NSD2: variants seen among roughly 807,000 people sequenced by gnomAD.
NSD2 encodes the protein histone-lysine N-methyltransferase NSD2.
In NSD2, 12 loss-of-function variants were observed where a neutral mutation model predicts 139.0. The ratio of observed to expected loss-of-function variants is 0.09; its 90% CI spans 0.06 to 0.14. The LOEUF (loss-of-function observed/expected upper bound fraction) is 0.14, where lower values mean the gene tolerates loss of function less well. NSD2 is among the 10% of genes least tolerant of loss of function. The pLI, the probability that NSD2 is intolerant of heterozygous loss-of-function variation, is 1.00. For synonymous variants in NSD2, 669 were observed against 648.7 expected, an observed-to-expected ratio of 1.03 and a Z score of -0.48; for missense variants, 1,155 against 1,745.0, an observed-to-expected ratio of 0.66 and a Z score of 6.02.
At chr4:1,905,895 A>G (rs980634810) in intron 3 of NSD2, among the ~76,000 whole-genome samples, 3 of 152,306 alleles carry the variant, frequency 2.0e-5, no homozygotes, top group South Asian at 2.1e-4. Context: ...CGGTCAGTGT[A>G]TGAAAAAATA....
chr4:1,953,575 G>T (rs370031459), intron 12 of NSD2, 51 bp downstream of exon 12: 13 of 1,540,208 alleles, frequency 8.4e-6, no homozygotes, highest in Admixed American at 3.9e-5. Flanking sequence ...CAGGCCAGAC[G>T]CAGGCCCATG....
chr4:1,936,073 G>T (rs577535587), intron 7 of NSD2, among the ~76,000 whole-genome samples: 1 of 152,324 alleles, frequency 6.6e-6, no homozygotes, highest in South Asian at 2.1e-4. Flanking sequence ...ATACTAAACA[G>T]GCTGTGCAGG....
rs193297882 is a variant in NSD2 at position 1,912,932 on chromosome 4, A to G, written c.761-3939A>G. On this transcript the variant is annotated intron_variant, in intron 3 of 21. Coordinates refer to ENST00000508803, the MANE Select transcript of NSD2 (RefSeq NM_001042424.3). ...AGCAAGCCACCCAGGTGCCAAGGCA[A>G]GAGACTGAAGGCACAGGCTGTTCCA... 1.1e-3 allele frequency among the ~76,000 whole-genome samples: 172 copies of G among 152,344 alleles called. 1 individual carries two copies. The highest frequency in any genetic ancestry group is 4.0e-3 in the African/African-American group (168 of 41,590).
chr4:1,891,524 T>G (rs73799029), intron 1 of NSD2, among the ~76,000 whole-genome samples: 4,826 of 152,040 alleles, frequency 0.032, 248 homozygotes, highest in African/African-American at 0.11. Context: ...TGGGCAAGGT[T>G]GGAGCAGTGA....
At position 1,956,268 on chromosome 4, in the gene NSD2, A is replaced by C. The variant is rs1724793745; in HGVS notation, c.2881+80A>C. The C allele has an allele frequency of 1.9e-5, 25 of 1,307,166 alleles. No homozygotes were observed. Among genetic ancestry groups the C allele is most frequent in the Non-Finnish European group, 2.5e-5 (24 of 967,156 alleles). 81.0% of individuals were successfully genotyped at this position (1,307,166 alleles called of 1,614,324 possible). Reference sequence around the variant, plus strand: ...CCTAATTTCTATTTTTTAAAATTTGATCTTTATAGAAAATACTGGACTAAG... The same window carrying C: ...CCTAATTTCTATTTTTTAAAATTTGCTCTTTATAGAAAATACTGGACTAAG... On this transcript the variant is annotated intron_variant, in intron 15 of 21. Coordinates refer to ENST00000508803, the MANE Select transcript of NSD2 (RefSeq NM_001042424.3). The surrounding 1 kb of genome is among the most constrained non-coding windows in gnomAD (Gnocchi z 5.3).
chr4:1,908,916 G>T (rs541994972), intron 3 of NSD2, among the ~76,000 whole-genome samples: 18 of 152,080 alleles, frequency 1.2e-4, no homozygotes, highest in African/African-American at 4.3e-4. Flanking sequence ...CCAAATTGTT[G>T]GGATTACAAG....
At chr4:1,952,370 T>G in intron 11 of NSD2, 139 bp downstream of exon 11, 1 of 1,319,576 alleles carries the variant, frequency 7.6e-7, no homozygotes, top group Non-Finnish European at 1.0e-6. Context: ...CTCTGGAGCT[T>G]GTAGCCCACA....
Position 1,962,926 on chromosome 4 carries a change from C to T in NSD2, c.3372+1775C>T, listed in dbSNP as rs576934512. On this transcript the variant is annotated intron_variant, in intron 18 of 21. Coordinates refer to ENST00000508803, the MANE Select transcript of NSD2 (RefSeq NM_001042424.3). The stretch of plus-strand genomic sequence containing the variant: ...CTTCCTCCTACATGCTCTGTCAGGG[C>T]GCACCACCCAGGGGATAAGCTAGCA... Among the ~76,000 whole-genome samples, 12 of 152,086 alleles carry T rather than the reference C, an allele frequency of 7.9e-5. No homozygotes were observed. The South Asian group carries it at 1.9e-3, about 24-fold the overall frequency.
intron 21 of NSD2, among the ~76,000 whole-genome samples, chr4:1,978,248 CAG>C (rs1727324978): frequency 6.6e-6 from 1 of 152,178 alleles, no homozygotes. Context: ...AGAGCTTTTA[CAG>C]AGTCATGCCA....
At chr4:1,877,234 T>C (rs1714327529) in intron 1 of NSD2, among the ~76,000 whole-genome samples, 1 of 152,236 alleles carries the variant, frequency 6.6e-6, no homozygotes, top group African/African-American at 2.4e-5. Context: ...GCTGCTATAT[T>C]ATGGAGGCTA....
At chr4:1,888,793 T>G (rs1003071147) in intron 1 of NSD2, among the ~76,000 whole-genome samples, 1 of 152,024 alleles carries the variant, frequency 6.6e-6, no homozygotes, top group African/African-American at 2.4e-5. Context: ...CTCAAACTCC[T>G]GGCCTCAAGT....
rs1024501223 is a variant in NSD2 at position 1,948,219 on chromosome 4, G to A, written c.1882-2853G>A. On this transcript the variant is annotated intron_variant, in intron 9 of 21. Transcript: ENST00000508803. The surrounding 1 kb of genome is among the most constrained non-coding windows in gnomAD (Gnocchi z 4.5). ...GTGCCGCAGCATGGCTGTGGTGGAC[G>A]CGGGAAACAACGGGAAAGTTCTTGA... 2.9e-5 allele frequency: 31 copies of A among 1,063,990 alleles called. No homozygotes were observed. The highest frequency in any genetic ancestry group is 1.0e-4 in the East Asian group (2 of 19,848). 65.9% of individuals were successfully genotyped at this position (1,063,990 alleles called of 1,614,324 possible).
chr4:1,920,247 T>G (rs1051860675), intron 5 of NSD2, among the ~76,000 whole-genome samples: 1 of 152,064 alleles, frequency 6.6e-6, no homozygotes, highest in Non-Finnish European at 1.5e-5. Context: ...GTTAGGAGTT[T>G]GAGGCTAGTC....
intron 18 of NSD2, among the ~76,000 whole-genome samples, chr4:1,964,574 C>T (rs1725683905): frequency 6.6e-6 from 1 of 152,192 alleles, no homozygotes; most frequent in African/African-American, 2.4e-5. Context: ...GGTATCTGTG[C>T]TCAGGATCCC....
chr4:1,897,994 T>C (rs775261360), intron 1 of NSD2, among the ~76,000 whole-genome samples: 1 of 152,196 alleles, frequency 6.6e-6, no homozygotes, highest in Non-Finnish European at 1.5e-5. Flanking sequence ...ACCACTGTTT[T>C]CTCCAAATAT....
intron 18 of NSD2, among the ~76,000 whole-genome samples, chr4:1,963,546 G>A (rs887198169): frequency 2.0e-5 from 3 of 152,224 alleles, no homozygotes; most frequent in African/African-American, 7.2e-5. Flanking sequence ...GAAATGCCAA[G>A]TGGATACTGC....
At chr4:1,952,375 C>A (rs775997743) in intron 11 of NSD2, 144 bp downstream of exon 11, 18 of 1,277,354 alleles carry the variant, frequency 1.4e-5, no homozygotes, top group Non-Finnish European at 1.8e-5. Context: ...GAGCTTGTAG[C>A]CCACAGCTGG....
intron 3 of NSD2, among the ~76,000 whole-genome samples, chr4:1,911,589 AAAAAAAAAAAAAAAAAAAG>A (rs1307921566): frequency 8.0e-6 from 1 of 124,234 alleles, no homozygotes; most frequent in Non-Finnish European, 1.6e-5. Context: ...CGCCATCTCA[AAAAAAAAAAAAAAAAAAAG>A]AAAAAAAAAA....
chr4:1,915,320 T>C (rs1308066899), intron 3 of NSD2, among the ~76,000 whole-genome samples: 5 of 152,018 alleles, frequency 3.3e-5, no homozygotes, highest in Non-Finnish European at 7.4e-5. Flanking sequence ...TTCACCGTGT[T>C]AGCCAGGATG....
Sources: allele counts gnomAD v4.1 joint callset (sites outside exome capture counted in the v4.1 genomes callset), GRCh38; gene constraint gnomAD v4.1.1; non-coding constraint Gnocchi (gnomAD v3.1); transcripts MANE v1.5; gene names NCBI Gene and HGNC (gene_info 2026-07-23, HGNC 2026-07-21).